Variants in SGIP1 observed in about 807,000 individuals in gnomAD.
SGIP1 encodes the protein SH3-containing GRB2-like protein 3-interacting protein 1.
Under a neutral mutation model 107.5 loss-of-function variants are expected in SGIP1, and 38 were observed. The observed-to-expected ratio is 0.35, with a 90% CI of 0.27 to 0.46. SGIP1 has a LOEUF of 0.46. Ranked by LOEUF, SGIP1 falls within the 20% of genes least tolerant of loss-of-function variation. SGIP1 has a pLI of 1.00. For synonymous variants in SGIP1, 365 were observed against 366.1 expected, an observed-to-expected ratio of 1.00 and a Z score of 0.03; for missense variants, 929 against 1,019.5, an observed-to-expected ratio of 0.91 and a Z score of 1.21.
intron 1 of SGIP1, among the ~76,000 whole-genome samples, chr1:66,620,446 G>A (rs553921294): frequency 6.6e-6 from 1 of 152,304 alleles, no homozygotes; most frequent in East Asian, 1.9e-4. Context: ...TTGACTCACA[G>A]TTCCACATGG....
At chr1:66,542,428 G>C (rs114430145) in intron 1 of SGIP1, among the ~76,000 whole-genome samples, 1 of 152,192 alleles carries the variant, frequency 6.6e-6, no homozygotes, top group Non-Finnish European at 1.5e-5. Context: ...TACATGATGA[G>C]ATGAAGTGGA....
Position 66,684,108 on chromosome 1 carries a change from T to C in SGIP1, c.1315+1739T>C, listed in dbSNP as rs190494832. The C allele has an allele frequency of 1.9e-3, 2,994 of 1,550,502 alleles. 7 individuals are homozygous for C. Among genetic ancestry groups the C allele is most frequent in the Non-Finnish European group, 2.3e-3 (2,622 of 1,146,962 alleles). On this transcript the variant is annotated intron_variant, in intron 15 of 24. Coordinates refer to ENST00000371037, the MANE Select transcript of SGIP1 (RefSeq NM_032291.4). ...ACTGTTATCTTTCCCTTTTTACAGATGGGAAAACTGAGGCTCAGAGATATC... is the reference window on the plus strand; with the variant it reads ...ACTGTTATCTTTCCCTTTTTACAGACGGGAAAACTGAGGCTCAGAGATATC...
rs1256986106 is a variant in SGIP1, at chr1:66,736,275, CAAAT to C, written c.2031+2397_2031+2400del. Reference sequence around the variant, plus strand: ...AATATTTTAAATATAAATATTTATACAAATAGTTTAAAATATTATATAAAATATG... The same window carrying C: ...AATATTTTAAATATAAATATTTATACAGTTTAAAATATTATATAAAATATG... On this transcript the variant is annotated intron_variant, in intron 21 of 24. Coordinates refer to ENST00000371037, the MANE Select transcript of SGIP1 (RefSeq NM_032291.4). Among the ~76,000 whole-genome samples, 24 of 96,752 alleles carry C rather than the reference CAAAT, an allele frequency of 2.5e-4. No individual in the cohort carries two copies. In the Middle Eastern group the frequency reaches 0.021, roughly 85 times the overall value. The allele number at this position is 96,752 out of a possible 152,430, so 63.5% of individuals were successfully genotyped here.
At chr1:66,552,769 G>A (rs998482557) in intron 1 of SGIP1, among the ~76,000 whole-genome samples, 30 of 152,038 alleles carry the variant, frequency 2.0e-4, no homozygotes, top group Admixed American at 1.5e-3. Context: ...ATAATTGCTC[G>A]CCTAATTAAT....
chr1:66,690,481 C>A, intron 17 of SGIP1, 165 bp downstream of exon 17: 1 of 903,172 alleles, frequency 1.1e-6, no homozygotes, highest in Non-Finnish European at 1.7e-6. Context: ...GCAAAGGAGG[C>A]AAAGTGCTTT....
chr1:66,732,065 C>A (rs539638954), intron 20 of SGIP1, among the ~76,000 whole-genome samples: 34 of 152,272 alleles, frequency 2.2e-4, no homozygotes, highest in Non-Finnish European at 1.8e-4. Flanking sequence ...TATCACAGAC[C>A]TATGACAGCT....
At chr1:66,592,645 T>A (rs1293972770) in intron 1 of SGIP1, among the ~76,000 whole-genome samples, 2 of 152,190 alleles carry the variant, frequency 1.3e-5, no homozygotes, top group Non-Finnish European at 2.9e-5. Context: ...CTCTTAGTGG[T>A]GTACATTCTA....
At chr1:66,705,250 T>C (rs948973784) in intron 18 of SGIP1, among the ~76,000 whole-genome samples, 20 of 152,192 alleles carry the variant, frequency 1.3e-4, no homozygotes, top group Non-Finnish European at 4.4e-5. Flanking sequence ...GGGGCTTCTT[T>C]TCTTGCTGAC....
At chr1:66,624,424 G>A (rs904526254) in intron 1 of SGIP1, among the ~76,000 whole-genome samples, 4 of 152,166 alleles carry the variant, frequency 2.6e-5, no homozygotes, top group Non-Finnish European at 5.9e-5. Flanking sequence ...TCCTCATGTG[G>A]AGAGTAACGG....
chr1:66,698,930 T>G (rs2091450343), intron 18 of SGIP1, among the ~76,000 whole-genome samples: 1 of 151,462 alleles, frequency 6.6e-6, no homozygotes, highest in South Asian at 2.1e-4. Flanking sequence ...AAACAAAAAA[T>G]CTGCTACCTT....
chr1:66,587,913 C>T (rs752742434), intron 1 of SGIP1, among the ~76,000 whole-genome samples: 6 of 152,128 alleles, frequency 3.9e-5, no homozygotes, highest in Non-Finnish European at 7.4e-5. Flanking sequence ...ATAAAAGCAT[C>T]TACTTCCTTT....
In SGIP1 at chr1:66,660,496, C is replaced by A; in HGVS notation, c.460-17C>A. 1 of 1,608,344 alleles carries A rather than the reference C, an allele frequency of 6.2e-7. No homozygotes were observed. The highest frequency in any genetic ancestry group is 8.5e-7 in the Non-Finnish European group (1 of 1,174,840). On this transcript the variant is annotated splice_polypyrimidine_tract_variant and intron_variant, in intron 7 of 24. Transcript: ENST00000371037. ...TCATTTTCTCTTTATTCTTCCTCCC[C>A]ATGCCTACGCTTTTAGAGGAAAAGT...
chr1:66,626,137 C>CTTTTTTTTTTTTTTTTTTTTTT (rs35959436), intron 2 of SGIP1: 2 of 121,926 alleles, frequency 1.6e-5, no homozygotes, highest in African/African-American at 7.5e-5. Flanking sequence ...TTCTTTCTTT[C>CTTTTTTTTTTTTTTTTTTTTTT]TTTTTTTTTT....
rs764080079 is a variant in SGIP1, at chr1:66,742,460, C to CTTT, written c.2465-588_2465-586dup. On this transcript the variant is annotated intron_variant, in intron 24 of 24. Coordinates refer to ENST00000371037, the MANE Select transcript of SGIP1 (RefSeq NM_032291.4). ...AATATAAGTTATATGAGCACCCTTTCTTTTTTTTTTTTTTTTTTTTTTTTT... is the reference window on the plus strand; with the variant it reads ...AATATAAGTTATATGAGCACCCTTTCTTTTTTTTTTTTTTTTTTTTTTTTTTTT... Among the ~76,000 whole-genome samples the CTTT allele has an allele frequency of 1.4e-3, 61 of 45,108 alleles. 12 individuals are homozygous for CTTT. The highest frequency in any genetic ancestry group is 2.3e-3 in the African/African-American group (23 of 10,162). 29.6% of individuals were successfully genotyped at this position (45,108 alleles called of 152,430 possible). A position where few individuals can be genotyped will look rare whatever the true frequency, so the allele number is the denominator to read the frequency against.
intron 5 of SGIP1, among the ~76,000 whole-genome samples, chr1:66,641,411 C>A (rs1206403228): frequency 6.6e-6 from 1 of 151,994 alleles, no homozygotes; most frequent in African/African-American, 2.4e-5. Context: ...GCTTTATTAA[C>A]TCCCAAAACT....
intron 19 of SGIP1, among the ~76,000 whole-genome samples, chr1:66,724,952 T>C (rs1322989643): frequency 6.6e-6 from 1 of 152,176 alleles, no homozygotes; most frequent in African/African-American, 2.4e-5. Context: ...CCAAACAATA[T>C]TCTACATGTC....
chr1:66,679,949 G>A (rs1012674083), intron 14 of SGIP1, among the ~76,000 whole-genome samples, 197 bp downstream of exon 14: 6 of 152,150 alleles, frequency 3.9e-5, no homozygotes, highest in African/African-American at 1.4e-4. Flanking sequence ...ACACAAAAAA[G>A]TAATAATTTC....
intron 1 of SGIP1, among the ~76,000 whole-genome samples, chr1:66,560,564 C>G (rs1174006615): frequency 6.6e-6 from 1 of 152,024 alleles, no homozygotes; most frequent in Non-Finnish European, 1.5e-5. Flanking sequence ...TAATAACATT[C>G]CTGGGAGACC....
chr1:66,737,635 T>C (rs1400286410), intron 21 of SGIP1, among the ~76,000 whole-genome samples: 2 of 152,232 alleles, frequency 1.3e-5, no homozygotes, highest in African/African-American at 4.8e-5. Flanking sequence ...AGAACTTCAG[T>C]TTCCTCATCT....
Sources: gnomAD v4.1 joint callset for allele counts (sites outside exome capture counted in the v4.1 genomes callset) on GRCh38, gnomAD v4.1.1 for gene constraint, MANE v1.5 for transcripts, NCBI Gene and HGNC (gene_info 2026-07-23, HGNC 2026-07-21) for gene names.